Variants in JAKMIP1 observed in about 807,000 individuals in gnomAD.
JAKMIP1 encodes the protein janus kinase and microtubule-interacting protein 1.
JAKMIP1 carries 33 observed loss-of-function variants against 113.0 expected under a neutral mutation model. The ratio of observed to expected loss-of-function variants is 0.29; its 90% CI spans 0.22 to 0.39. The LOEUF is 0.39. Ranked by LOEUF, JAKMIP1 falls within the 10% of genes least tolerant of loss-of-function variation. The pLI, the probability that JAKMIP1 is intolerant of heterozygous loss-of-function variation, is 1.00. For synonymous variants in JAKMIP1, 480 were observed against 459.9 expected (o/e 1.04, Z -0.56); for missense variants, 813 against 1,080.5 (o/e 0.75, Z 3.47).
rs752421057 is a variant in JAKMIP1, at chr4:6,165,411, T to C, written c.-148+34842A>G. 1.4e-3 allele frequency among the ~76,000 whole-genome samples: 220 copies of C among 152,194 alleles called. 6 individuals are homozygous for C. The highest frequency in any genetic ancestry group is 4.3e-4 in the Non-Finnish European group (29 of 68,036). On this transcript the variant is annotated intron_variant, in intron 1 of 20. Transcript: ENST00000409021. ...AGCAATTCTGCCTCAGCCTCCCAAG[T>C]AGCTGGGACTACCAGCTAGCTGCTA...
In JAKMIP1 at chr4:6,069,752, CAAAA is replaced by C. The variant is rs56832267; in HGVS notation, c.1303-4748_1303-4745del. ...TGGGTGACAGGGCAAGATCCTGTCT[CAAAA>C]AAAAAAAAAAAAAGATTCAGTTTTG... On this transcript the variant is annotated intron_variant, in intron 8 of 20. Coordinates refer to ENST00000409021, the MANE Select transcript of JAKMIP1 (RefSeq NM_001099433.2). This position sits in a 1 kb window ranked among gnomAD's most constrained non-coding sequence, Gnocchi z 4.5. Among the ~76,000 whole-genome samples the C allele has an allele frequency of 2.0e-4, 25 of 125,074 alleles. No homozygotes were observed. The highest frequency in any genetic ancestry group is 1.3e-4 in the Non-Finnish European group (8 of 60,166). The allele number at this position is 125,074 out of a possible 152,430, so 82.1% of individuals were successfully genotyped here.
rs1721065950 is a variant in JAKMIP1, at chr4:6,084,945, T to C, written c.855A>G (p.Arg285=). ...MGVQDQHMDE[R]DVRRFQLKIA... ...TTTTTAGTTGAAATCGCCTCACATC[T>C]CGCTCGTCCATATGTTGATCCTAAA... Residue 285 remains arginine (R), a synonymous_variant, in exon 5 of 21, where the codon CGA becomes CGG. Transcript: ENST00000409021. 1 of 945,278 alleles carries C rather than the reference T, an allele frequency of 1.1e-6. No homozygotes were observed. The highest frequency in any genetic ancestry group is 2.0e-5 in the African/African-American group (1 of 49,698). The allele number at this position is 945,278 out of a possible 1,614,324, so 58.6% of individuals were successfully genotyped here. A position where few individuals can be genotyped will look rare whatever the true frequency, so the allele number is the denominator to read the frequency against.
Position 6,049,635 on chromosome 4 carries a change from C to T in JAKMIP1, c.1962+184G>A, listed in dbSNP as rs1309181116. Among the ~76,000 whole-genome samples the T allele has an allele frequency of 6.6e-6, 1 of 152,022 alleles. No homozygotes were observed. The highest frequency in any genetic ancestry group is 1.5e-5 in the Non-Finnish European group (1 of 68,028). On this transcript the variant is annotated intron_variant, in intron 15 of 20. Transcript: ENST00000409021. The surrounding 1 kb of genome is among the most constrained non-coding windows in gnomAD (Gnocchi z 7.0). ...GCCAGGGGAATCTAACTTCGGAACC[C>T]CACTTCTGACGAATGCCAACCCCAC...
At position 6,044,630 on chromosome 4, in the gene JAKMIP1, T is replaced by C. The variant is rs577615083; in HGVS notation, c.2029-2403A>G. Among the ~76,000 whole-genome samples, 3 of 152,192 alleles carry C rather than the reference T, an allele frequency of 2.0e-5. No homozygotes were observed. In the South Asian group the frequency reaches 6.2e-4, roughly 32 times the overall value. On this transcript the variant is annotated intron_variant, in intron 16 of 20. Transcript: ENST00000409021. This position sits in a 1 kb window ranked among gnomAD's most constrained non-coding sequence, Gnocchi z 4.4. Reference sequence around the variant, plus strand: ...GCAAGCAGTCATAAAATGAATAAAATTAAAATGGGAAATCCAGGTTTGGAT... The same window carrying C: ...GCAAGCAGTCATAAAATGAATAAAACTAAAATGGGAAATCCAGGTTTGGAT...
chr4:6,167,117 C>T lies in JAKMIP1; in HGVS notation c.-148+33136G>A, dbSNP rs1352195644. ...GTGGGCTGCTGGTATTATTAAAATT[C>T]TTGAAATCCATCGTCTTCCCCTAGA... On this transcript the variant is annotated intron_variant, in intron 1 of 20. Coordinates refer to ENST00000409021, the MANE Select transcript of JAKMIP1 (RefSeq NM_001099433.2). This position sits in a 1 kb window ranked among gnomAD's most constrained non-coding sequence, Gnocchi z 5.3. 1.3e-5 allele frequency among the ~76,000 whole-genome samples: 2 copies of T among 152,168 alleles called. No homozygotes were observed. Among genetic ancestry groups the T allele is most frequent in the Non-Finnish European group, 2.9e-5 (2 of 68,032 alleles).
At position 6,081,796 on chromosome 4, in the gene JAKMIP1, G is replaced by C. The variant is rs1018456369; in HGVS notation, c.955-41C>G. The C allele has an allele frequency of 5.6e-6, 9 of 1,612,390 alleles. No individual in the cohort carries two copies. The highest frequency in any genetic ancestry group is 1.3e-5 in the African/African-American group (1 of 74,864). ...GACACAGAGGCTCAGACAACTTGAC[G>C]ACGGACGGCCGAGGTCACAGCACCG... On this transcript the variant is annotated intron_variant, in intron 5 of 20. Transcript: ENST00000409021. The surrounding 1 kb of genome is among the most constrained non-coding windows in gnomAD (Gnocchi z 4.6).
intron 2 of JAKMIP1, among the ~76,000 whole-genome samples, chr4:6,107,966 TG>T (rs1714244625): frequency 6.6e-6 from 1 of 151,746 alleles, no homozygotes; most frequent in African/African-American, 2.4e-5. Flanking sequence ...GCATCAGGGG[TG>T]GGCAGCCTCG....
Position 6,155,904 on chromosome 4 carries a change from A to G in JAKMIP1, c.-147-42907T>C, listed in dbSNP as rs1722179629. 6.6e-6 allele frequency among the ~76,000 whole-genome samples: 1 copy of G among 152,158 alleles called. No individual in the cohort carries two copies. Among genetic ancestry groups the G allele is most frequent in the Non-Finnish European group, 1.5e-5 (1 of 68,032 alleles). ...GGGCCTGGCAATCTTAAGTTTGCACATACATTTTTCTGTGCGGTAATGTGT... is the reference window on the plus strand; with the variant it reads ...GGGCCTGGCAATCTTAAGTTTGCACGTACATTTTTCTGTGCGGTAATGTGT... On this transcript the variant is annotated intron_variant, in intron 1 of 20. Coordinates refer to ENST00000409021, the MANE Select transcript of JAKMIP1 (RefSeq NM_001099433.2). This position sits in a 1 kb window ranked among gnomAD's most constrained non-coding sequence, Gnocchi z 6.1.
Position 6,157,992 on chromosome 4 carries a change from A to G in JAKMIP1, c.-148+42261T>C, listed in dbSNP as rs1722459149. Among the ~76,000 whole-genome samples, 1 of 152,162 alleles carries G rather than the reference A, an allele frequency of 6.6e-6. No individual in the cohort carries two copies. Among genetic ancestry groups the G allele is most frequent in the South Asian group, 2.1e-4 (1 of 4,832 alleles). On this transcript the variant is annotated intron_variant, in intron 1 of 20. Coordinates refer to ENST00000409021, the MANE Select transcript of JAKMIP1 (RefSeq NM_001099433.2). The surrounding 1 kb of genome is among the most constrained non-coding windows in gnomAD (Gnocchi z 4.7). ...TTCTCCCAAAGAACACAGCTTCTAC[A>G]ACTTCAGAAGAGTTATCTGGGCCAC...
rs894307949 is a variant in JAKMIP1 at position 6,197,583 on chromosome 4, C to A, written c.-148+2670G>T. On this transcript the variant is annotated intron_variant, in intron 1 of 20. Coordinates refer to ENST00000409021, the MANE Select transcript of JAKMIP1 (RefSeq NM_001099433.2). The surrounding 1 kb of genome is among the most constrained non-coding windows in gnomAD (Gnocchi z 6.5). The stretch of plus-strand genomic sequence containing the variant: ...AGGGATAAACTACAGGCAAGTCCAA[C>A]TTCAGAAGCCCTGCAGGTTGATCCC... 2.0e-5 allele frequency among the ~76,000 whole-genome samples: 3 copies of A among 152,226 alleles called. No homozygotes were observed. Among genetic ancestry groups the A allele is most frequent in the Non-Finnish European group, 4.4e-5 (3 of 68,052 alleles).
intron 3 of JAKMIP1, among the ~76,000 whole-genome samples, chr4:6,098,692 G>T (rs1712404130): frequency 1.4e-4 from 1 of 7,192 alleles, no homozygotes; most frequent in African/African-American, 2.1e-4. Context: ...AAGAAAGAAA[G>T]AAAGAAAGAA....
At chr4:6,062,804 T>C (rs1177749948) in intron 9 of JAKMIP1, among the ~76,000 whole-genome samples, 1 of 152,178 alleles carries the variant, frequency 6.6e-6, no homozygotes, top group Non-Finnish European at 1.5e-5. Context: ...AAGGTCTCCA[T>C]TGTAAAGGGT....
At position 6,199,733 on chromosome 4, in the gene JAKMIP1, C is replaced by G. The variant is rs999241285; in HGVS notation, c.-148+520G>C. On this transcript the variant is annotated intron_variant, in intron 1 of 20. Transcript: ENST00000409021. The surrounding 1 kb of genome is among the most constrained non-coding windows in gnomAD (Gnocchi z 5.6). ...TGGGCGGCCTCGCCTTCGGGCCCCG[C>G]GCCGCCGGGGCGCGGCCCCCAGCTC... Among the ~76,000 whole-genome samples, 17 of 151,354 alleles carry G rather than the reference C, an allele frequency of 1.1e-4. No individual in the cohort carries two copies. Among genetic ancestry groups the G allele is most frequent in the African/African-American group, 2.7e-4 (11 of 41,286 alleles).
At position 6,105,821 on chromosome 4, in the gene JAKMIP1, G is replaced by A. The variant is rs1163089370; in HGVS notation, c.276C>T (p.Ile92=). 6.2e-7 allele frequency: 1 copy of A among 1,610,692 alleles called. No homozygotes were observed. The highest frequency in any genetic ancestry group is 1.3e-5 in the African/African-American group (1 of 74,926). The change falls in exon 3 of 21, where the codon ATC becomes ATT. Residue 92 remains isoleucine (I), a synonymous_variant. Coordinates refer to ENST00000409021, the MANE Select transcript of JAKMIP1 (RefSeq NM_001099433.2). The part of the protein sequence containing the change: ...KELQALREGL[I]RQHEQEAART... ...GCGCCGCCTCCTGCTCGTGCTGCCG[G>A]ATGAGCCCCTCGCGCAGCGCCTGCA...
chr4:6,175,430 C>A (rs561341843), intron 1 of JAKMIP1, among the ~76,000 whole-genome samples: 60 of 152,316 alleles, frequency 3.9e-4, no homozygotes, highest in Non-Finnish European at 7.5e-4. Flanking sequence ...AGGTGAATGC[C>A]ATTTTTTCTT....
intron 8 of JAKMIP1, among the ~76,000 whole-genome samples, chr4:6,072,781 T>C (rs1481861314): frequency 3.9e-5 from 6 of 152,082 alleles, no homozygotes; most frequent in Non-Finnish European, 7.4e-5. Flanking sequence ...ATGGGTAGCT[T>C]TGGCAAAACT....
At chr4:6,151,138 C>A (rs2108983827) in intron 1 of JAKMIP1, among the ~76,000 whole-genome samples, 1 of 152,268 alleles carries the variant, frequency 6.6e-6, no homozygotes, top group Non-Finnish European at 1.5e-5. Flanking sequence ...CTGCTGCCCT[C>A]CCAACTGTGA....
rs1458736550 is a variant in JAKMIP1 at position 6,036,166 on chromosome 4, C to G, written c.2176-59G>C. On this transcript the variant is annotated intron_variant, in intron 18 of 20. Transcript: ENST00000409021. ...TCACAAGGAGGTGGACAGGAACCAC[C>G]AGAAGGCTGCTGCCAGTGGAGGCAG... 2.6e-5 allele frequency: 35 copies of G among 1,333,548 alleles called. No homozygotes were observed. In the East Asian group the frequency reaches 6.2e-4, roughly 24 times the overall value. The allele number at this position is 1,333,548 out of a possible 1,614,324, so 82.6% of individuals were successfully genotyped here.
In JAKMIP1 at chr4:6,105,519, T is replaced by G; in HGVS notation, c.578A>C (p.Glu193Ala). 6.2e-7 allele frequency: 1 copy of G among 1,609,626 alleles called. No homozygotes were observed. The change falls in exon 3 of 21, where the codon GAG (glutamate) becomes GCG (alanine). Residue 193 changes from glutamate to alanine, a missense_variant. Physicochemically the swap from Glu to Ala is moderately radical, Grantham distance 107 (BLOSUM62 -1). Around this residue, in one of 2 missense-constraint regions of JAKMIP1, gnomAD observed 540 missense variants for 653.9 expected, o/e 0.83. Transcript: ENST00000409021. ...LRAAYQAHQDEVHRIKRECER... is the reference protein window; with the variant it reads ...LRAAYQAHQDAVHRIKRECER... ...GCACTCGCGCTTGATGCGGTGCACC[T>G]CGTCTTGGTGCGCCTGGTAGGCGGC...
Sources: allele counts gnomAD v4.1 joint callset (sites outside exome capture counted in the v4.1 genomes callset), GRCh38; gene constraint gnomAD v4.1.1; regional missense constraint gnomAD v4.1.1; non-coding constraint Gnocchi (gnomAD v3.1); transcripts MANE v1.5; gene names NCBI Gene and HGNC (gene_info 2026-07-23, HGNC 2026-07-21).